SHISA9: variants seen among roughly 807,000 people sequenced by gnomAD.
SHISA9 encodes protein shisa-9.
SHISA9 carries 13 observed loss-of-function variants against 38.0 expected under a neutral mutation model. That is an observed-to-expected ratio of 0.34 (90% CI 0.22 to 0.54). SHISA9 has a LOEUF of 0.54. SHISA9 is among the 20% of genes least tolerant of loss of function. The pLI, the probability that SHISA9 is intolerant of heterozygous loss-of-function variation, is 0.91. For synonymous variants in SHISA9, 275 were observed against 242.0 expected (o/e 1.14, Z -1.27); for missense variants, 538 against 575.8 (o/e 0.93, Z 0.67).
At chr16:13,304,495 T>C in the SHISA9 span, among the ~76,000 whole-genome samples, 3 of 152,152 alleles carry the variant, frequency 2.0e-5, no homozygotes, top group Non-Finnish European at 4.4e-5. Context: ...TGGGTTCAAG[T>C]AATCTGCCTG....
chr16:12,983,253 A>G lies in SHISA9; in HGVS notation c.691+66438A>G, dbSNP rs1010761776. 5.9e-5 allele frequency among the ~76,000 whole-genome samples: 9 copies of G among 152,192 alleles called. No individual in the cohort carries two copies. In the East Asian group the frequency reaches 1.7e-3, roughly 29 times the overall value. On this transcript the variant is annotated intron_variant, in intron 2 of 4. Transcript: ENST00000558583. Reference sequence around the variant, plus strand: ...CTTGTGGCAGCGGGGAGTGGCTTGGAGGACAAGTTTTGATTCCTTATCCTG... The same window carrying G: ...CTTGTGGCAGCGGGGAGTGGCTTGGGGGACAAGTTTTGATTCCTTATCCTG...
the SHISA9 span, among the ~76,000 whole-genome samples, chr16:13,440,720 G>A: frequency 6.6e-6 from 1 of 152,038 alleles, no homozygotes. Context: ...CGAGGAAATC[G>A]AGACCATCCT....
intron 2 of SHISA9, among the ~76,000 whole-genome samples, chr16:12,923,020 T>A (rs1450822274): frequency 1.3e-5 from 2 of 152,024 alleles, no homozygotes; most frequent in African/African-American, 4.8e-5. Context: ...TAGAAATGGG[T>A]CTCACCAAGT....
At chr16:13,510,792 T>G in the SHISA9 span, among the ~76,000 whole-genome samples, 309 of 107,032 alleles carry the variant, frequency 2.9e-3, no homozygotes, top group Middle Eastern at 5.4e-3. Flanking sequence ...ATTTTCTGGG[T>G]TTTTTTTTTG....
chr16:12,912,834 G>A (rs1052287173), intron 1 of SHISA9, among the ~76,000 whole-genome samples: 4 of 152,130 alleles, frequency 2.6e-5, no homozygotes, highest in African/African-American at 4.8e-5. Context: ...GCCCCTGCTC[G>A]TTGGCCCTCT....
At chr16:13,523,185 T>TA in the SHISA9 span, among the ~76,000 whole-genome samples, 1 of 151,786 alleles carries the variant, frequency 6.6e-6, no homozygotes, top group South Asian at 2.1e-4. Flanking sequence ...CGATCTCTAC[T>TA]AAAAAAATAC....
the SHISA9 span, among the ~76,000 whole-genome samples, chr16:13,390,425 G>A: frequency 6.6e-6 from 1 of 152,110 alleles, no homozygotes; most frequent in African/African-American, 2.4e-5. Context: ...CTGGTTCTCT[G>A]CATCTGGGTG....
the SHISA9 span, among the ~76,000 whole-genome samples, chr16:13,349,340 A>G: frequency 7.9e-3 from 1,209 of 152,308 alleles, 21 homozygotes; most frequent in African/African-American, 0.028. Flanking sequence ...GGTTCTTCAG[A>G]AAATATTAAA....
the SHISA9 span, among the ~76,000 whole-genome samples, chr16:13,536,186 A>T: frequency 6.6e-6 from 1 of 151,852 alleles, no homozygotes; most frequent in Non-Finnish European, 1.5e-5. Context: ...TTTAGTAGAG[A>T]TGGGGTTTCA....
At chr16:13,372,424 A>C in the SHISA9 span, among the ~76,000 whole-genome samples, 1 of 152,178 alleles carries the variant, frequency 6.6e-6, no homozygotes, top group Non-Finnish European at 1.5e-5. Context: ...CCTCCTAGTA[A>C]ATATGGTACA....
At chr16:13,399,313 A>G in the SHISA9 span, among the ~76,000 whole-genome samples, 2 of 152,138 alleles carry the variant, frequency 1.3e-5, no homozygotes, top group South Asian at 4.1e-4. Context: ...CCTTCCTTCT[A>G]AGTGTTCACA....
the SHISA9 span, among the ~76,000 whole-genome samples, chr16:13,367,712 GCACACACACA>G: frequency 1.8e-3 from 188 of 104,688 alleles, 1 homozygote; most frequent in Middle Eastern, 5.1e-3. Context: ...GCGCGCGCGC[GCACACACACA>G]CACACACACA....
chr16:13,437,101 A>T, the SHISA9 span, among the ~76,000 whole-genome samples: 1 of 152,100 alleles, frequency 6.6e-6, no homozygotes, highest in South Asian at 2.1e-4. Context: ...ACATTACGGG[A>T]GCTGCAATTC....
chr16:13,491,086 A>C, the SHISA9 span, among the ~76,000 whole-genome samples: 89 of 152,304 alleles, frequency 5.8e-4, no homozygotes, highest in Middle Eastern at 0.014. Flanking sequence ...ACCCTGAAAA[A>C]TAGGCTCTAT....
At chr16:13,548,235 G>A in the SHISA9 span, among the ~76,000 whole-genome samples, 1 of 150,976 alleles carries the variant, frequency 6.6e-6, no homozygotes, top group Non-Finnish European at 1.5e-5. Context: ...AGATTTGCAT[G>A]TGAGACTCAA....
At chr16:12,913,244 T>C (rs2071209911) in intron 1 of SHISA9, among the ~76,000 whole-genome samples, 1 of 152,176 alleles carries the variant, frequency 6.6e-6, no homozygotes, top group East Asian at 1.9e-4. Context: ...TTGCCCAGCC[T>C]GGAGTGCAGC....
the SHISA9 span, among the ~76,000 whole-genome samples, chr16:13,517,208 T>A: frequency 6.6e-6 from 1 of 152,002 alleles, no homozygotes; most frequent in Non-Finnish European, 1.5e-5. Context: ...AAGCCCAGGG[T>A]CACACAGGAT....
intron 4 of SHISA9, among the ~76,000 whole-genome samples, chr16:13,216,447 A>T (rs2051170131): frequency 6.6e-6 from 1 of 152,228 alleles, no homozygotes; most frequent in African/African-American, 2.4e-5. Context: ...TACTGGTATT[A>T]GTAGTACTGT....
chr16:13,210,456 A>T lies in SHISA9; in HGVS notation c.848-2797A>T, dbSNP rs1414876012. Among the ~76,000 whole-genome samples, 3 of 152,338 alleles carry T rather than the reference A, an allele frequency of 2.0e-5. No individual in the cohort carries two copies. The East Asian group carries it at 5.8e-4, about 29-fold the overall frequency. On this transcript the variant is annotated intron_variant, in intron 3 of 4. Coordinates refer to ENST00000558583, the MANE Select transcript of SHISA9 (RefSeq NM_001145204.3). ...TCAAAATTTTAATTTTATTAAAAAA[A>T]AATTGTCTGTGTTGCTATTTGACAG...
Sources: gnomAD v4.1 joint callset for allele counts (sites outside exome capture counted in the v4.1 genomes callset) on GRCh38, gnomAD v4.1.1 for gene constraint, MANE v1.5 for transcripts, NCBI Gene and HGNC (gene_info 2026-07-23, HGNC 2026-07-21) for gene names.